The following RGS8 variants were observed in gnomAD, a reference collection of about 807,000 sequenced individuals.
RGS8 encodes regulator of G-protein signaling 8.
In RGS8, 8 loss-of-function variants were observed where a neutral mutation model predicts 21.7. That is an observed-to-expected ratio of 0.37 (90% CI 0.22 to 0.66). The LOEUF (loss-of-function observed/expected upper bound fraction) is 0.66, where lower values mean the gene tolerates loss of function less well. RGS8 is among the 30% of genes least tolerant of loss of function. The pLI is 0.59. For synonymous variants in RGS8, 80 were observed against 83.6 expected (o/e 0.96, Z 0.24); for missense variants, 157 against 217.9 (o/e 0.72, Z 1.76).
chr1:182,660,661 A>G (rs1370179410), intron 5 of RGS8, among the ~76,000 whole-genome samples: 2 of 149,222 alleles, frequency 1.3e-5, no homozygotes, highest in Non-Finnish European at 3.0e-5. Flanking sequence ...TCCATACGAG[A>G]TACAGTCTTT....
the RGS8 span, among the ~76,000 whole-genome samples, chr1:182,749,896 C>A: frequency 6.6e-6 from 1 of 152,266 alleles, no homozygotes; most frequent in East Asian, 1.9e-4. Context: ...GATGCCCCAA[C>A]AGGCCCCAGT....
At chr1:182,649,863 TTC>T (rs1325558253) in intron 5 of RGS8, among the ~76,000 whole-genome samples, 1 of 152,104 alleles carries the variant, frequency 6.6e-6, no homozygotes, top group Non-Finnish European at 1.5e-5. Context: ...AATCTTTTAT[TTC>T]TTTTCTAAAA....
intron 6 of RGS8, among the ~76,000 whole-genome samples, 155 bp from the exon 8 acceptor site, chr1:182,647,072 A>G (rs1259325434): frequency 3.3e-5 from 5 of 152,232 alleles, no homozygotes; most frequent in Non-Finnish European, 7.3e-5. Flanking sequence ...ATCCCTTTTG[A>G]TCACAGCAAG....
intron 5 of RGS8, among the ~76,000 whole-genome samples, chr1:182,663,882 G>C (rs997552963): frequency 6.6e-6 from 1 of 151,692 alleles, no homozygotes. Flanking sequence ...TGTTGCCCAG[G>C]CTGGCCTTGA....
At chr1:182,667,575 A>G (rs1663936106) in intron 3 of RGS8, among the ~76,000 whole-genome samples, 1 of 152,262 alleles carries the variant, frequency 6.6e-6, no homozygotes, top group Non-Finnish European at 1.5e-5. Context: ...ATCAGCAATT[A>G]AGAACCAATG....
chr1:182,689,560 G>T (rs989462921), upstream of RGS8, among the ~76,000 whole-genome samples: 2 of 152,172 alleles, frequency 1.3e-5, no homozygotes, highest in African/African-American at 4.8e-5. Context: ...TGATGAGAAT[G>T]CAGAGCCCAC....
chr1:182,653,633 G>A (rs1023941431), intron 5 of RGS8, among the ~76,000 whole-genome samples: 3 of 152,108 alleles, frequency 2.0e-5, no homozygotes, highest in South Asian at 2.1e-4. Flanking sequence ...GGTGGAGGTT[G>A]CAGTAAGCCA....
chr1:182,733,113 T>C, the RGS8 span, among the ~76,000 whole-genome samples: 3 of 152,180 alleles, frequency 2.0e-5, no homozygotes, highest in South Asian at 6.2e-4. Flanking sequence ...AGACTGTGAG[T>C]GAAGCGAATG....
the RGS8 span, among the ~76,000 whole-genome samples, chr1:182,717,471 T>C: frequency 6.6e-6 from 1 of 152,198 alleles, no homozygotes; most frequent in Non-Finnish European, 1.5e-5. Flanking sequence ...ACAGCTAACC[T>C]TAGCACACAG....
upstream of RGS8, chr1:182,671,959 TC>T: frequency 5.8e-6 from 8 of 1,372,032 alleles, no homozygotes; most frequent in Non-Finnish European, 6.6e-6. Context: ...GCGGCTCAGC[TC>T]CCGGGCACAG....
At chr1:182,683,688 C>T (rs1232845054) in intron 1 of RGS8, among the ~76,000 whole-genome samples, 1 of 150,504 alleles carries the variant, frequency 6.6e-6, no homozygotes, top group Non-Finnish European at 1.5e-5. Context: ...ACCCATTTAG[C>T]TGATGCCACG....
intron 2 of RGS8, among the ~76,000 whole-genome samples, chr1:182,670,768 GA>G (rs929449057): frequency 4.6e-5 from 7 of 151,544 alleles, no homozygotes; most frequent in African/African-American, 7.3e-5. Flanking sequence ...GTTAAAACTA[GA>G]AAAAAAAATT....
the RGS8 span, among the ~76,000 whole-genome samples, chr1:182,725,219 T>A: frequency 6.6e-6 from 1 of 152,322 alleles, no homozygotes; most frequent in Non-Finnish European, 1.5e-5. Flanking sequence ...ATTTTGGTTT[T>A]TCTGATCTGT....
chr1:182,742,307 C>A, the RGS8 span, among the ~76,000 whole-genome samples: 5 of 150,418 alleles, frequency 3.3e-5, no homozygotes, highest in Non-Finnish European at 5.9e-5. Context: ...GGTGGCCAGG[C>A]GGAGACGCTC....
chr1:182,669,846 TC>T, intron 2 of RGS8, 94 bp from the exon 4 acceptor site: 1 of 1,343,690 alleles, frequency 7.4e-7, no homozygotes, highest in Non-Finnish European at 9.9e-7. Flanking sequence ...GCGGAACACC[TC>T]CCCACACACA....
At chr1:182,695,101 A>G in the RGS8 span, among the ~76,000 whole-genome samples, 5 of 152,102 alleles carry the variant, frequency 3.3e-5, no homozygotes, top group Non-Finnish European at 5.9e-5. Flanking sequence ...CACTGGCTAC[A>G]TCATTGCATA....
At chr1:182,707,340 A>G in the RGS8 span, among the ~76,000 whole-genome samples, 1 of 152,150 alleles carries the variant, frequency 6.6e-6, no homozygotes, top group Non-Finnish European at 1.5e-5. Flanking sequence ...TCTGCCCACT[A>G]AGAACACTGC....
chr1:182,708,943 C>A, the RGS8 span, among the ~76,000 whole-genome samples: 1 of 152,192 alleles, frequency 6.6e-6, no homozygotes, highest in Non-Finnish European at 1.5e-5. Flanking sequence ...GAAAGGATGA[C>A]CTGTGCGGCC....
At chr1:182,679,891 C>T (rs1664486588) in intron 1 of RGS8, among the ~76,000 whole-genome samples, 1 of 152,154 alleles carries the variant, frequency 6.6e-6, no homozygotes, top group South Asian at 2.1e-4. Flanking sequence ...CAGTTTCTGG[C>T]ACCACCATCT....
Sources: allele counts gnomAD v4.1 joint callset (sites outside exome capture counted in the v4.1 genomes callset), GRCh38; gene constraint gnomAD v4.1.1; transcripts MANE v1.5; gene names NCBI Gene and HGNC (gene_info 2026-07-23, HGNC 2026-07-21).